Variants in TNC observed in about 807,000 individuals in gnomAD.
TNC encodes the protein tenascin C, also known as tenascin.
A neutral mutation model predicts 202.4 loss-of-function variants in TNC; 109 were observed. That is an observed-to-expected ratio of 0.54 (90% CI 0.46 to 0.63). The LOEUF (loss-of-function observed/expected upper bound fraction) is 0.63. TNC is among the 30% of genes least tolerant of loss of function. TNC has a pLI of 0.00. For missense variants in TNC, 2,756 were observed against 2,833.3 expected (o/e 0.97, Z 0.62); for synonymous variants, 1,007 against 1,089.7 (o/e 0.92, Z 1.50).
Position 115,063,860 on chromosome 9 carries a change from G to A in TNC, c.3696C>T (p.Thr1232=). 1.2e-6 allele frequency: 2 copies of A among 1,614,196 alleles called. No homozygotes were observed. Among genetic ancestry groups the A allele is most frequent in the South Asian group, 2.2e-5 (2 of 91,076 alleles). The part of the protein sequence containing the change: ...LPGLKAATHY[T]ITIRGVTQDF... ...CCTGAGTGACCCCGCGGATGGTGAT[G>A]GTATAATGAGTGGCTGCTTTGAGCC... Residue 1232 remains threonine (T), a synonymous_variant, in exon 12 of 28, where the codon ACC becomes ACT. Transcript: ENST00000350763.
In TNC at chr9:115,086,013, C is replaced by G. The variant is rs1230957510; in HGVS notation, c.1718G>C (p.Cys573Ser). ...GTGGCAGATGCACTGGCCGTCCACG[C>G]AGCGGCCCTGGCCATGACAGTCACT... ...CPSDCHGQGR[C>S]VDGQCICHEG... The change falls in exon 3 of 28, where the codon TGC becomes TCC. Residue 573 changes from cysteine (C) to serine (S), a missense_variant. Coordinates refer to ENST00000350763, the MANE Select transcript of TNC (RefSeq NM_002160.4). The G allele has an allele frequency of 6.2e-7, 1 of 1,613,900 alleles. No homozygotes were observed. Among genetic ancestry groups the G allele is most frequent in the African/African-American group, 1.3e-5 (1 of 74,960 alleles).
At position 115,086,393 on chromosome 9, in the gene TNC, C is replaced by A. The variant is rs778983368; in HGVS notation, c.1338G>T (p.Arg446=). Residue 446 remains arginine, a synonymous_variant, in exon 3 of 28, where the codon CGG becomes CGT. Coordinates refer to ENST00000350763, the MANE Select transcript of TNC (RefSeq NM_002160.4). ...CACATTTGCCCTCGACACAGCGGCC[C>A]CGACTGTGACAGTCATTGGGGCACC... ...QLRCPNDCHS[R]GRCVEGKCVC... is the part of the protein sequence containing the mutation. The A allele has an allele frequency of 5.6e-6, 9 of 1,613,916 alleles. No individual in the cohort carries two copies. Among genetic ancestry groups the A allele is most frequent in the Non-Finnish European group, 7.6e-6 (9 of 1,179,944 alleles).
At chr9:115,114,436 G>T (rs1837305598) in intron 1 of TNC, among the ~76,000 whole-genome samples, 1 of 152,162 alleles carries the variant, frequency 6.6e-6, no homozygotes, top group South Asian at 2.1e-4. Flanking sequence ...CTACTTTTCT[G>T]AGATGAAAAT....
intron 4 of TNC, among the ~76,000 whole-genome samples, chr9:115,083,433 G>A (rs552252322): frequency 1.3e-5 from 2 of 152,056 alleles, no homozygotes; most frequent in Non-Finnish European, 2.9e-5. Context: ...GAGTGGTTTA[G>A]AACATAAACC....
chr9:115,067,986 T>G (rs1446699965), intron 10 of TNC, among the ~76,000 whole-genome samples: 2 of 152,066 alleles, frequency 1.3e-5, no homozygotes, highest in Non-Finnish European at 2.9e-5. Flanking sequence ...AAGGTACAAC[T>G]TCCACAAATA....
rs12347433 is a variant in TNC at position 115,035,318 on chromosome 9, T to C, written c.5673A>G (p.Arg1891=). The C allele has an allele frequency of 0.25, 407,454 of 1,611,976 alleles. 54,366 individuals are homozygous for C. Among genetic ancestry groups the C allele is most frequent in the Non-Finnish European group, 0.28 (330,273 of 1,178,958 alleles). ...ACTGAACCTCAGTAGCAGTCAAGTC[T>C]CTTGGAGAATCGAGGTCTGGAGAAG... ...AKFTTDLDSP[R]DLTATEVQSE... The change falls in exon 22 of 28, where the codon AGA becomes AGG. Residue 1891 remains arginine, a synonymous_variant. Coordinates refer to ENST00000350763, the MANE Select transcript of TNC (RefSeq NM_002160.4).
chr9:115,069,035 C>T (rs1564466151), intron 10 of TNC, among the ~76,000 whole-genome samples: 2 of 152,202 alleles, frequency 1.3e-5, no homozygotes, highest in Admixed American at 6.5e-5. Context: ...CTGTTTCTTT[C>T]TCTTCTATAC....
chr9:115,028,499 G>A (rs551431586), intron 25 of TNC, among the ~76,000 whole-genome samples: 1 of 152,172 alleles, frequency 6.6e-6, no homozygotes, highest in Non-Finnish European at 1.5e-5. Context: ...AGGATTCTAT[G>A]ACTGGTCCAG....
Position 115,065,065 on chromosome 9 carries a change from C to T in TNC, c.3215-146G>A, listed in dbSNP as rs1046646109. ...TTGTTCACTGCATCCCCTACTGGTG[C>T]TGTCCCTATTAAAACACCAGCAGGA... On this transcript the variant is annotated intron_variant, in intron 10 of 27. Coordinates refer to ENST00000350763, the MANE Select transcript of TNC (RefSeq NM_002160.4). 8.1e-6 allele frequency: 7 copies of T among 862,072 alleles called. No individual in the cohort carries two copies. The East Asian group carries it at 1.3e-4, about 16-fold the overall frequency. 53.4% of individuals were successfully genotyped at this position (862,072 alleles called of 1,614,324 possible).
rs577760827 is a variant in TNC, at chr9:115,053,536, T to C, written c.4579+3617A>G. Among the ~76,000 whole-genome samples the C allele has an allele frequency of 3.3e-5, 5 of 152,346 alleles. No individual in the cohort carries two copies. In the South Asian group the frequency reaches 1.0e-3, roughly 32 times the overall value. On this transcript the variant is annotated intron_variant, in intron 15 of 27. Coordinates refer to ENST00000350763, the MANE Select transcript of TNC (RefSeq NM_002160.4). ...CTGTCAGTAAACCTGTTTAATTTTG[T>C]TTGGCCCAAATTTCATAAACTTATT...
At position 115,046,640 on chromosome 9, in the gene TNC, G is replaced by A; in HGVS notation, c.4895C>T (p.Thr1632Ile). ...EVDNLLVSDATPDGFRLSWTA... is the reference protein window; with the variant it reads ...EVDNLLVSDAIPDGFRLSWTA... ...CCAGGACAGACGGAAACCGTCTGGG[G>A]TGGCATCTGAAACCAGAAGGTTGTC... Residue 1632 changes from threonine to isoleucine, a missense_variant, in exon 17 of 28, where the codon ACC (threonine) becomes ATC (isoleucine). Thr to Ile is a moderately conservative substitution (Grantham distance 89, BLOSUM62 -1). Around this residue, in one of 2 missense-constraint regions of TNC, gnomAD observed 2,559 missense variants for 2,546.0 expected, o/e 1.01. Coordinates refer to ENST00000350763, the MANE Select transcript of TNC (RefSeq NM_002160.4). 1 of 1,613,740 alleles carries A rather than the reference G, an allele frequency of 6.2e-7. No homozygotes were observed. Among genetic ancestry groups the A allele is most frequent in the East Asian group, 2.2e-5 (1 of 44,874 alleles).
intron 13 of TNC, among the ~76,000 whole-genome samples, chr9:115,062,450 T>C (rs1832615392): frequency 6.6e-6 from 1 of 151,598 alleles, no homozygotes; most frequent in Non-Finnish European, 1.5e-5. Flanking sequence ...CTACAAAAAA[T>C]ACAAAAAACT....
At chr9:115,029,583 T>A in intron 24 of TNC, 127 bp from the exon 25 acceptor site, 2 of 941,160 alleles carry the variant, frequency 2.1e-6, no homozygotes, top group East Asian at 2.5e-5. Context: ...CCTAATTTGC[T>A]ATGTAACTTT....
In TNC at chr9:115,086,553, T is replaced by G; in HGVS notation, c.1178A>C (p.Glu393Ala). The G allele has an allele frequency of 6.2e-7, 1 of 1,612,452 alleles. No homozygotes were observed. Among genetic ancestry groups the G allele is most frequent in the South Asian group, 1.1e-5 (1 of 90,988 alleles). Residue 393 changes from glutamate to alanine, a missense_variant, in exon 3 of 28, where the codon GAG (glutamate) becomes GCG (alanine). Glu to Ala is a moderately radical substitution (Grantham distance 107, BLOSUM62 -1). Coordinates refer to ENST00000350763, the MANE Select transcript of TNC (RefSeq NM_002160.4). The part of the protein sequence containing the change: ...NRGRCVDGRC[E>A]CDDGFTGADC... The stretch of plus-strand genomic sequence containing the variant: ...AGCTCCAGTGAAACCATCATCACAC[T>G]CACACCGCCCGTCTACACAGCGGCC...
At chr9:115,078,491 T>C (rs1319960556) in intron 6 of TNC, among the ~76,000 whole-genome samples, 2 of 150,496 alleles carry the variant, frequency 1.3e-5, no homozygotes, top group Non-Finnish European at 3.0e-5. Context: ...GGATGTCACA[T>C]GAAAAAAAAA....
chr9:115,033,405 T>C (rs562269013), intron 22 of TNC, among the ~76,000 whole-genome samples: 2 of 152,282 alleles, frequency 1.3e-5, no homozygotes, highest in South Asian at 2.1e-4. Flanking sequence ...ACCTGTCAGT[T>C]CTCTAGGCTT....
intron 25 of TNC, 109 bp from the exon 26 acceptor site, chr9:115,026,804 G>A (rs1829522183): frequency 1.2e-6 from 1 of 846,504 alleles, no homozygotes; most frequent in Non-Finnish European, 1.7e-6. Flanking sequence ...GGGCCAACTG[G>A]GCCCAGTGGC....
intron 10 of TNC, among the ~76,000 whole-genome samples, chr9:115,068,599 G>T (rs181718605): frequency 6.6e-6 from 1 of 152,094 alleles, no homozygotes; most frequent in Non-Finnish European, 1.5e-5. Context: ...TAAAACATTC[G>T]GTGATTTCTT....
intron 1 of TNC, among the ~76,000 whole-genome samples, chr9:115,111,058 T>G (rs1837006975): frequency 6.6e-6 from 1 of 152,036 alleles, no homozygotes; most frequent in African/African-American, 2.4e-5. Flanking sequence ...TTTTTGTATT[T>G]TTAGTAGAGA....
Sources: allele counts gnomAD v4.1 joint callset (sites outside exome capture counted in the v4.1 genomes callset), GRCh38; gene constraint gnomAD v4.1.1; regional missense constraint gnomAD v4.1.1; transcripts MANE v1.5; gene names NCBI Gene and HGNC (gene_info 2026-07-23, HGNC 2026-07-21).